Variants in ROBO2 observed in about 807,000 individuals in gnomAD.
ROBO2 encodes the protein roundabout guidance receptor 2.
A neutral mutation model predicts 160.8 loss-of-function variants in ROBO2; 53 were observed. The observed-to-expected ratio is 0.33, with a 90% CI of 0.26 to 0.41. The LOEUF is 0.41. Ranked by LOEUF, ROBO2 falls within the 10% of genes least tolerant of loss-of-function variation. The pLI is 1.00. For missense variants in ROBO2, 1,577 were observed against 1,722.4 expected (o/e 0.92, Z 1.49); for synonymous variants, 664 against 611.7 (o/e 1.09, Z -1.26).
chr3:76,338,800 G>A (rs1321551897), intron 2 of ROBO2, among the ~76,000 whole-genome samples: 1 of 151,194 alleles, frequency 6.6e-6, no homozygotes. Flanking sequence ...TAAACATAAT[G>A]AAATTGACAA....
chr3:76,685,726 A>C (rs887003909), intron 2 of ROBO2, among the ~76,000 whole-genome samples: 2 of 152,196 alleles, frequency 1.3e-5, no homozygotes, highest in African/African-American at 4.8e-5. Flanking sequence ...TAGAAGGTTC[A>C]TACACAGTTG....
At chr3:76,716,164 G>A (rs957502858) in intron 2 of ROBO2, among the ~76,000 whole-genome samples, 2 of 152,156 alleles carry the variant, frequency 1.3e-5, no homozygotes, top group South Asian at 2.1e-4. Context: ...AATATATGCA[G>A]TTGATTTATT....
At chr3:76,079,107 T>C (rs1255210792) in intron 2 of ROBO2, among the ~76,000 whole-genome samples, 1 of 152,148 alleles carries the variant, frequency 6.6e-6, no homozygotes, top group Non-Finnish European at 1.5e-5. Context: ...AAAATTGATC[T>C]TATAGATATA....
At chr3:77,311,734 T>A (rs2063556130) in intron 2 of ROBO2, among the ~76,000 whole-genome samples, 1 of 152,202 alleles carries the variant, frequency 6.6e-6, no homozygotes, top group African/African-American at 2.4e-5. Flanking sequence ...TTTTTCATAA[T>A]CATTTGTTTC....
At chr3:76,218,182 T>A (rs1417636932) in intron 2 of ROBO2, among the ~76,000 whole-genome samples, 1 of 152,206 alleles carries the variant, frequency 6.6e-6, no homozygotes, top group Non-Finnish European at 1.5e-5. Context: ...AAGAGCTATC[T>A]ATTGCAAACA....
chr3:76,591,328 A>T (rs932459693), intron 2 of ROBO2, among the ~76,000 whole-genome samples: 1 of 152,150 alleles, frequency 6.6e-6, no homozygotes, highest in African/African-American at 2.4e-5. Context: ...GATAAAAAGG[A>T]AAGATTGGTC....
intron 2 of ROBO2, among the ~76,000 whole-genome samples, chr3:76,802,415 C>T (rs1352079113): frequency 6.6e-6 from 1 of 152,088 alleles, no homozygotes; most frequent in Non-Finnish European, 1.5e-5. Context: ...ATAATGGGGT[C>T]CTTAAAACCA....
intron 2 of ROBO2, among the ~76,000 whole-genome samples, chr3:77,259,208 G>T (rs1342991955): frequency 1.3e-5 from 2 of 152,160 alleles, no homozygotes; most frequent in African/African-American, 4.8e-5. Context: ...TTTCTTGTCT[G>T]TCTCCTTGAA....
chr3:76,199,399 C>T (rs978689670), intron 2 of ROBO2, among the ~76,000 whole-genome samples: 3 of 152,064 alleles, frequency 2.0e-5, no homozygotes, highest in Admixed American at 6.6e-5. Flanking sequence ...AAAACTCCAA[C>T]GGGAGGGAAA....
At chr3:76,193,871 G>A (rs1290743047) in intron 2 of ROBO2, among the ~76,000 whole-genome samples, 1 of 152,030 alleles carries the variant, frequency 6.6e-6, no homozygotes, top group East Asian at 1.9e-4. Flanking sequence ...GAAGAACTAT[G>A]TGTTCTATTT....
chr3:76,244,602 T>C (rs1039563822), intron 2 of ROBO2, among the ~76,000 whole-genome samples: 17 of 152,150 alleles, frequency 1.1e-4, no homozygotes, highest in African/African-American at 4.1e-4. Context: ...TCACAACTTT[T>C]CTTGAAGCTG....
At chr3:77,040,279 T>G in exon 1 of ROBO2, 1 of 994,350 alleles carries the variant, frequency 1.0e-6, no homozygotes, top group Non-Finnish European at 1.2e-6. Flanking sequence ...TATAGACATA[T>G]TAAAAAATAA....
At chr3:77,564,216 C>G (rs972536514) in intron 11 of ROBO2, among the ~76,000 whole-genome samples, 1 of 151,990 alleles carries the variant, frequency 6.6e-6, no homozygotes, top group East Asian at 1.9e-4. Context: ...ATAAACTGAC[C>G]ACCCTGAAAA....
intron 2 of ROBO2, among the ~76,000 whole-genome samples, chr3:76,729,154 A>G (rs943681276): frequency 2.6e-5 from 4 of 152,152 alleles, no homozygotes; most frequent in African/African-American, 9.7e-5. Flanking sequence ...TACTTTGTTC[A>G]TTATCCAGAG....
intron 2 of ROBO2, among the ~76,000 whole-genome samples, chr3:77,157,063 A>G (rs1480509603): frequency 1.3e-5 from 2 of 152,034 alleles, no homozygotes; most frequent in Admixed American, 6.6e-5. Flanking sequence ...GATGTCAATG[A>G]TGAGTCTGCA....
intron 2 of ROBO2, among the ~76,000 whole-genome samples, chr3:76,892,108 A>T (rs2074392997): frequency 6.6e-6 from 1 of 150,688 alleles, no homozygotes; most frequent in Non-Finnish European, 1.5e-5. Context: ...TGTGACAATA[A>T]CACTGCAAAT....
chr3:77,286,750 T>C (rs1056883631), intron 2 of ROBO2, among the ~76,000 whole-genome samples: 1 of 152,228 alleles, frequency 6.6e-6, no homozygotes, highest in Admixed American at 6.5e-5. Flanking sequence ...CACAGAACTA[T>C]ATTGAATAAA....
intron 2 of ROBO2, among the ~76,000 whole-genome samples, chr3:76,165,188 G>A (rs969674723): frequency 6.6e-6 from 1 of 152,158 alleles, no homozygotes; most frequent in African/African-American, 2.4e-5. Context: ...TTGAAAAGCT[G>A]TTGTTTAGTG....
chr3:77,249,873 A>T (rs1018023003), intron 2 of ROBO2, among the ~76,000 whole-genome samples: 2 of 151,664 alleles, frequency 1.3e-5, no homozygotes, highest in Admixed American at 6.6e-5. Context: ...CCTGGCTATA[A>T]AGTTACTAAG....
Sources: allele counts gnomAD v4.1 joint callset (sites outside exome capture counted in the v4.1 genomes callset), GRCh38; gene constraint gnomAD v4.1.1; transcripts MANE v1.5; gene names NCBI Gene and HGNC (gene_info 2026-07-23, HGNC 2026-07-21).